AMZ2: variants seen among roughly 807,000 people sequenced by gnomAD.
AMZ2 encodes the protein archaemetzincin-2.
AMZ2 carries 26 observed loss-of-function variants against 36.7 expected under a neutral mutation model. The ratio of observed to expected loss-of-function variants is 0.71; its 90% CI spans 0.52 to 0.98. The LOEUF (loss-of-function observed/expected upper bound fraction) is 0.98, where lower values mean the gene tolerates loss of function less well. Among genes scored for constraint, AMZ2 ranks in the 50% least tolerant of loss-of-function variants. AMZ2 has a pLI of 0.00. For synonymous variants in AMZ2, 144 were observed against 149.1 expected (o/e 0.97, Z 0.25); for missense variants, 394 against 430.5 (o/e 0.92, Z 0.75).
At chr17:68,209,604 G>GTATATATATATATATATATA (rs1290967627) in intron 1 of AMZ2, among the ~76,000 whole-genome samples, 1 of 117,758 alleles carries the variant, frequency 8.5e-6, no homozygotes, top group East Asian at 2.8e-4. Flanking sequence ...GTGTGTGTGT[G>GTATATATATATATATATATA]TATATGTATA....
chr17:68,237,613 G>A (rs2073817480), intron 1 of AMZ2, among the ~76,000 whole-genome samples: 1 of 152,170 alleles, frequency 6.6e-6, no homozygotes, highest in African/African-American at 2.4e-5. Flanking sequence ...GTGTATTTGA[G>A]ACAAGCTGTT....
intron 1 of AMZ2, among the ~76,000 whole-genome samples, chr17:68,233,508 CAAAAAA>C (rs35601824): frequency 1.3e-5 from 1 of 78,484 alleles, no homozygotes; most frequent in African/African-American, 5.1e-5. Flanking sequence ...AACTATGTCT[CAAAAAA>C]AAAAAAAAAA....
chr17:68,236,871 T>C (rs1300701943), intron 1 of AMZ2, among the ~76,000 whole-genome samples: 1 of 152,158 alleles, frequency 6.6e-6, no homozygotes, highest in East Asian at 1.9e-4. Context: ...TGAGCCACCA[T>C]GCCCGGCCCA....
At chr17:68,252,985 A>T (rs1190310674) in intron 4 of AMZ2, among the ~76,000 whole-genome samples, 2 of 152,218 alleles carry the variant, frequency 1.3e-5, no homozygotes, top group African/African-American at 4.8e-5. Context: ...AGATTTACAT[A>T]GGAAAGTAGC....
intron 1 of AMZ2, among the ~76,000 whole-genome samples, chr17:68,226,274 A>T (rs1209499382): frequency 1.3e-5 from 2 of 152,176 alleles, no homozygotes; most frequent in Admixed American, 6.5e-5. Flanking sequence ...TACTATGTAC[A>T]TTTGACTCTG....
intron 1 of AMZ2, chr17:68,206,474 CT>C (rs1555724432): frequency 2.2e-5 from 4 of 182,828 alleles, no homozygotes; most frequent in Non-Finnish European, 3.2e-5. Context: ...CACTCGCTCG[CT>C]CTCTCTCTCC....
chr17:68,227,629 C>T (rs1555730219), intron 1 of AMZ2, among the ~76,000 whole-genome samples: 2 of 152,180 alleles, frequency 1.3e-5, no homozygotes. Context: ...AGGTCAGCAT[C>T]TTCAAATCTC....
chr17:68,221,123 C>T (rs1287109427), intron 1 of AMZ2, among the ~76,000 whole-genome samples: 1 of 151,322 alleles, frequency 6.6e-6, no homozygotes, highest in African/African-American at 2.4e-5. Flanking sequence ...CGCTCTGTCA[C>T]CCAGGGTGGA....
At chr17:68,228,129 G>A (rs2073563686) in intron 1 of AMZ2, among the ~76,000 whole-genome samples, 1 of 151,958 alleles carries the variant, frequency 6.6e-6, no homozygotes, top group Admixed American at 6.6e-5. Flanking sequence ...CATCTTTCCT[G>A]CCCGAGCTCA....
chr17:68,248,012 G>A (rs1599394520), upstream of AMZ2: 1 of 986,256 alleles, frequency 1.0e-6, no homozygotes, highest in East Asian at 1.1e-4. Flanking sequence ...GTGGCGTAAG[G>A]GGCGTGGCGC....
intron 1 of AMZ2, among the ~76,000 whole-genome samples, chr17:68,225,026 A>AG (rs1491276959): frequency 7.3e-6 from 1 of 137,156 alleles, no homozygotes; most frequent in Non-Finnish European, 1.6e-5. Flanking sequence ...AAAAAAAAAA[A>AG]CACACACACA....
At chr17:68,229,945 C>T (rs9909207) in intron 1 of AMZ2, among the ~76,000 whole-genome samples, 15,115 of 152,264 alleles carry the variant, frequency 0.099, 855 homozygotes, top group Non-Finnish European at 0.12. Flanking sequence ...AAGTAAGGCC[C>T]GTTACCTGGT....
chr17:68,210,232 T>C (rs1394569746), intron 1 of AMZ2, among the ~76,000 whole-genome samples: 1 of 152,190 alleles, frequency 6.6e-6, no homozygotes, highest in African/African-American at 2.4e-5. Context: ...CAAAAACGTA[T>C]ACACATATGT....
intron 4 of AMZ2, 37 bp from the exon 5 acceptor site, chr17:68,254,367 T>C: frequency 2.5e-6 from 4 of 1,585,056 alleles, no homozygotes; most frequent in South Asian, 2.3e-5. Context: ...TCAGGGACCT[T>C]ACTCTCATTC....
intron 1 of AMZ2, chr17:68,207,497 G>T (rs1555724697): frequency 1.3e-5 from 2 of 149,198 alleles, no homozygotes; most frequent in African/African-American, 4.9e-5. Context: ...GAAAATACTT[G>T]TGAGGAAAAA....
chr17:68,249,153 AG>A (rs760548144), intron 1 of AMZ2: 1 of 1,132,680 alleles, frequency 8.8e-7, no homozygotes, highest in Non-Finnish European at 1.1e-6. Context: ...CATGACTTTG[AG>A]GCCATAAACT....
chr17:68,208,781 G>A (rs2072924619), intron 1 of AMZ2, among the ~76,000 whole-genome samples: 1 of 152,152 alleles, frequency 6.6e-6, no homozygotes, highest in Non-Finnish European at 1.5e-5. Flanking sequence ...CAACCAGGAG[G>A]AACAAACAAC....
chr17:68,247,336 CAAAAAA>C (rs71142158), upstream of AMZ2: 53 of 78,196 alleles, frequency 6.8e-4, no homozygotes, highest in African/African-American at 1.7e-3. Flanking sequence ...ACTCCGTCTC[CAAAAAA>C]AAAAAAAAAA....
chr17:68,227,177 C>T (rs1162111848), intron 1 of AMZ2, among the ~76,000 whole-genome samples: 3 of 152,176 alleles, frequency 2.0e-5, no homozygotes, highest in South Asian at 4.1e-4. Context: ...ACACCCATCT[C>T]AGCGAGAGTC....
Sources: gnomAD v4.1 joint callset for allele counts (sites outside exome capture counted in the v4.1 genomes callset) on GRCh38, gnomAD v4.1.1 for gene constraint, MANE v1.5 for transcripts, NCBI Gene and HGNC (gene_info 2026-07-23, HGNC 2026-07-21) for gene names.